MTMR10: variants seen among roughly 807,000 people sequenced by gnomAD.
The protein encoded by MTMR10 is myotubularin related protein 10.
MTMR10 carries 56 observed loss-of-function variants against 88.1 expected under a neutral mutation model. The observed-to-expected ratio is 0.64, with a 90% confidence interval of 0.51 to 0.79. MTMR10 has a LOEUF of 0.79. Ranked by LOEUF, MTMR10 falls within the 30% of genes least tolerant of loss-of-function variation. The pLI is 0.00. For synonymous variants in MTMR10, 380 were observed against 340.9 expected (o/e 1.11, Z -1.26); for missense variants, 883 against 924.7 (o/e 0.95, Z 0.58).
intron 2 of MTMR10, among the ~76,000 whole-genome samples, chr15:30,980,895 T>C (rs1425185230): frequency 6.6e-6 from 1 of 152,210 alleles, no homozygotes; most frequent in Non-Finnish European, 1.5e-5. Flanking sequence ...TGTGAATCCA[T>C]ACTGTTGTCA....
At position 30,939,416 on chromosome 15, in the gene MTMR10, GGCAGAGGTGGTATAA is replaced by G. The variant is rs2062963558; in HGVS notation, c.*2039_*2053del. The stretch of plus-strand genomic sequence containing the variant: ...TGCTGTCACCACATGTCCCTCTGAC[GGCAGAGGTGGTATAA>G]GCAGCTTCACCCTGGCCCGACTGAA... On this transcript the variant is annotated 3_prime_UTR_variant, in exon 16 of 16. Transcript: ENST00000435680. 10 of 985,434 alleles carry G rather than the reference GGCAGAGGTGGTATAA, an allele frequency of 1.0e-5. No individual in the cohort carries two copies. Among genetic ancestry groups the G allele is most frequent in the Non-Finnish European group, 1.2e-5 (10 of 829,940 alleles). The allele number at this position is 985,434 out of a possible 1,614,324, so 61.0% of individuals were successfully genotyped here.
chr15:30,944,737 A>T (rs114714470), intron 14 of MTMR10, among the ~76,000 whole-genome samples: 2,891 of 151,882 alleles, frequency 0.019, 100 homozygotes, highest in African/African-American at 0.064. Context: ...TTGGCCAAGC[A>T]CGGTGGCTCA....
At chr15:30,932,537 G>A in the MTMR10 span, among the ~76,000 whole-genome samples, 1 of 152,012 alleles carries the variant, frequency 6.6e-6, no homozygotes, top group East Asian at 1.9e-4. Flanking sequence ...AGCAGTATGG[G>A]CCTGGAGATT....
At chr15:30,920,668 C>T in the MTMR10 span, 12 of 1,452,626 alleles carry the variant, frequency 8.3e-6, no homozygotes, top group Non-Finnish European at 1.2e-5. Context: ...GAGCACAGGT[C>T]CCTGCCCCCC....
At chr15:30,991,380 G>A in intron 1 of MTMR10, 67 bp downstream of exon 1, 2 of 1,372,048 alleles carry the variant, frequency 1.5e-6, no homozygotes, top group South Asian at 1.7e-5. Context: ...CAGTTCCCGG[G>A]GGTCGGCCTG....
intron 15 of MTMR10, 74 bp downstream of exon 15, chr15:30,942,809 TACTTTTA>T: frequency 7.3e-7 from 1 of 1,379,000 alleles, no homozygotes; most frequent in Non-Finnish European, 9.7e-7. Flanking sequence ...GAAGTGCCTT[TACTTTTA>T]ACGCTCTCTG....
Position 30,958,962 on chromosome 15 carries a change from G to A in MTMR10, c.847-11C>T, listed in dbSNP as rs1322502217. 35 of 1,613,922 alleles carry A rather than the reference G, an allele frequency of 2.2e-5. 1 individual carries two copies. Among genetic ancestry groups the A allele is most frequent in the Non-Finnish European group, 2.9e-5 (34 of 1,179,862 alleles). ...GCTCCAGCACCAGAGCTAGGGGAGA[G>A]GTAGAATCCTTACTTCACTGTGTAG... On this transcript the variant is annotated splice_polypyrimidine_tract_variant and intron_variant, in intron 8 of 15. Transcript: ENST00000435680.
chr15:30,964,679 G>A (rs2063452006), intron 6 of MTMR10, among the ~76,000 whole-genome samples: 1 of 152,198 alleles, frequency 6.6e-6, no homozygotes, highest in Non-Finnish European at 1.5e-5. Flanking sequence ...ATGAGGGGCT[G>A]GACCAACACA....
intron 14 of MTMR10, chr15:30,946,875 TTAAAG>T (rs1354003441): frequency 1.5e-5 from 9 of 613,376 alleles, no homozygotes; most frequent in Non-Finnish European, 2.6e-5. Flanking sequence ...TTTAAGGTGG[TTAAAG>T]TAATTTACAT....
intron 6 of MTMR10, 72 bp from the exon 7 acceptor site, chr15:30,961,145 C>A (rs2063396517): frequency 6.7e-7 from 1 of 1,486,588 alleles, no homozygotes. Context: ...TCTGAGCCTC[C>A]TGTCACATGC....
the MTMR10 span, among the ~76,000 whole-genome samples, chr15:30,933,764 T>C: frequency 4.4e-5 from 6 of 137,590 alleles, no homozygotes; most frequent in African/African-American, 1.9e-4. Context: ...TTTTTTTTTT[T>C]GTTTTTGTTT....
chr15:30,950,280 A>G (rs1262287516), intron 12 of MTMR10: 4 of 152,162 alleles, frequency 2.6e-5, no homozygotes, highest in Non-Finnish European at 5.9e-5. Context: ...GTTCAGGATT[A>G]CTTTATATGA....
At chr15:30,930,407 A>G in the MTMR10 span, 6 of 980,676 alleles carry the variant, frequency 6.1e-6, no homozygotes, top group South Asian at 6.1e-5. Context: ...GCAGCAGAAC[A>G]GCGCATGGTG....
In MTMR10 at chr15:30,940,061, T is replaced by C; in HGVS notation, c.*1409A>G. 1.0e-6 allele frequency: 1 copy of C among 981,776 alleles called. No homozygotes were observed. The highest frequency in any genetic ancestry group is 1.2e-6 in the Non-Finnish European group (1 of 826,634). 60.8% of individuals were successfully genotyped at this position (981,776 alleles called of 1,614,324 possible). The stretch of plus-strand genomic sequence containing the variant: ...AATACAGTTATCTTGAAAACACTTG[T>C]TTTAGAAAAGGAAATAAGCTAACTA... On this transcript the variant is annotated 3_prime_UTR_variant, in exon 16 of 16. Coordinates refer to ENST00000435680, the MANE Select transcript of MTMR10 (RefSeq NM_017762.3).
downstream of MTMR10, among the ~76,000 whole-genome samples, chr15:30,936,644 C>G (rs1037410602): frequency 9.4e-6 from 1 of 106,362 alleles, no homozygotes; most frequent in African/African-American, 3.7e-5. Context: ...TCCTACACAT[C>G]AACTGAAAAT....
intron 2 of MTMR10, among the ~76,000 whole-genome samples, chr15:30,977,271 G>T (rs563953729): frequency 1.3e-5 from 2 of 152,116 alleles, no homozygotes; most frequent in African/African-American, 2.4e-5. Context: ...TTCTGGAGAA[G>T]AAATAAACTA....
the MTMR10 span, among the ~76,000 whole-genome samples, chr15:30,919,709 AG>A: frequency 1.0e-4 from 15 of 150,658 alleles, no homozygotes; most frequent in Admixed American, 8.6e-4. Flanking sequence ...AAAAAAAAAA[AG>A]AAAATCATAA....
At position 30,991,514 on chromosome 15, in the gene MTMR10, C is replaced by T. The variant is rs1390923923; in HGVS notation, c.-8G>A. The T allele has an allele frequency of 6.5e-7, 1 of 1,532,440 alleles. No individual in the cohort carries two copies. The allele number at this position is 1,532,440 out of a possible 1,614,324, so 94.9% of individuals were successfully genotyped here. On this transcript the variant is annotated 5_prime_UTR_variant, in exon 1 of 16. Coordinates refer to ENST00000435680, the MANE Select transcript of MTMR10 (RefSeq NM_017762.3). Reference sequence around the variant, plus strand: ...CGGCTTGAGGGAGAACATGGTGCCGCCGCCTTTTCGCCCCGTTCCCGTCGC... The same window carrying T: ...CGGCTTGAGGGAGAACATGGTGCCGTCGCCTTTTCGCCCCGTTCCCGTCGC...
At chr15:30,982,016 A>G (rs1243148556) in intron 2 of MTMR10, among the ~76,000 whole-genome samples, 5 of 151,838 alleles carry the variant, frequency 3.3e-5, no homozygotes, top group Non-Finnish European at 5.9e-5. Flanking sequence ...GGTTGCGGTG[A>G]GCGGAGATCA....
Sources: gnomAD v4.1 joint callset for allele counts (sites outside exome capture counted in the v4.1 genomes callset) on GRCh38, gnomAD v4.1.1 for gene constraint, MANE v1.5 for transcripts, NCBI Gene and HGNC (gene_info 2026-07-23, HGNC 2026-07-21) for gene names.